Variants in TAFA5 observed in about 807,000 individuals in gnomAD.
The protein encoded by TAFA5 is chemokine-like protein TAFA-5.
Under a neutral mutation model 15.3 loss-of-function variants are expected in TAFA5, and 6 were observed. That is an observed-to-expected ratio of 0.39 (90% confidence interval 0.21 to 0.77). TAFA5 has a LOEUF of 0.77. Ranked by LOEUF, TAFA5 falls within the 30% of genes least tolerant of loss-of-function variation. TAFA5 has a pLI of 0.41. For missense variants in TAFA5, 161 were observed against 193.1 expected (o/e 0.83, Z 0.98); for synonymous variants, 103 against 80.7 (o/e 1.28, Z -1.48).
intron 1 of TAFA5, among the ~76,000 whole-genome samples, chr22:48,623,066 C>G (rs549542997): frequency 6.6e-6 from 1 of 152,252 alleles, no homozygotes; most frequent in Non-Finnish European, 1.5e-5. Flanking sequence ...AGGGCGAGCT[C>G]GGCCCTGCAG....
At chr22:48,680,479 C>A (rs557111474) in intron 2 of TAFA5, among the ~76,000 whole-genome samples, 1 of 86,028 alleles carries the variant, frequency 1.2e-5, no homozygotes, top group Non-Finnish European at 2.9e-5. Context: ...GGCGAGGGGG[C>A]TAAGAGGTGA....
At chr22:48,510,907 T>C (rs1921186536) in intron 1 of TAFA5, among the ~76,000 whole-genome samples, 1 of 152,216 alleles carries the variant, frequency 6.6e-6, no homozygotes, top group African/African-American at 2.4e-5. Flanking sequence ...CTTAAAGAAA[T>C]GGGTTTTAGT....
At chr22:48,699,602 CTTTG>C (rs751119233) in intron 2 of TAFA5, among the ~76,000 whole-genome samples, 1 of 152,096 alleles carries the variant, frequency 6.6e-6, no homozygotes, top group Non-Finnish European at 1.5e-5. Context: ...AATCACGTGG[CTTTG>C]TTTGTTGTCA....
chr22:48,620,321 C>T (rs1467820929), intron 1 of TAFA5, among the ~76,000 whole-genome samples: 2 of 152,118 alleles, frequency 1.3e-5, no homozygotes, highest in Non-Finnish European at 2.9e-5. Flanking sequence ...CAAACCTCTC[C>T]TCTTATTTCA....
At chr22:48,518,616 G>T (rs578085516) in intron 1 of TAFA5, among the ~76,000 whole-genome samples, 1 of 152,330 alleles carries the variant, frequency 6.6e-6, no homozygotes, top group Admixed American at 6.5e-5. Flanking sequence ...CCTCCAGCCT[G>T]GGAGGCGGAC....
chr22:48,638,133 G>T (rs575583193), intron 1 of TAFA5, among the ~76,000 whole-genome samples: 1 of 152,064 alleles, frequency 6.6e-6, no homozygotes, highest in South Asian at 2.1e-4. Flanking sequence ...CTGTCACCAC[G>T]TCCTGGCAGT....
rs932751986 is a variant in TAFA5, at chr22:48,566,407, A to G, written c.112+76703A>G. On this transcript the variant is annotated intron_variant, in intron 1 of 3. Transcript: ENST00000402357. This position sits in a 1 kb window ranked among gnomAD's most constrained non-coding sequence, Gnocchi z 4.5. Reference sequence around the variant, plus strand: ...GGATGGTGAATGATGGGTAGATGGTAGGTGGATGGATGATGAATGGTAGAT... The same window carrying G: ...GGATGGTGAATGATGGGTAGATGGTGGGTGGATGGATGATGAATGGTAGAT... Among the ~76,000 whole-genome samples the G allele has an allele frequency of 6.6e-6, 1 of 151,282 alleles. No homozygotes were observed. The highest frequency in any genetic ancestry group is 1.5e-5 in the Non-Finnish European group (1 of 67,786).
intron 1 of TAFA5, among the ~76,000 whole-genome samples, chr22:48,567,933 C>A (rs1923462309): frequency 6.6e-6 from 1 of 152,200 alleles, no homozygotes; most frequent in South Asian, 2.1e-4. Flanking sequence ...GAGTGGCCTG[C>A]AGTCCTAGAG....
intron 3 of TAFA5, among the ~76,000 whole-genome samples, chr22:48,719,762 C>T (rs1400035477): frequency 2.0e-5 from 3 of 152,206 alleles, no homozygotes; most frequent in Admixed American, 6.5e-5. Flanking sequence ...ATTTTGCGTT[C>T]TTTTGAATCA....
At chr22:48,565,783 G>A (rs1009997064) in intron 1 of TAFA5, among the ~76,000 whole-genome samples, 1 of 152,252 alleles carries the variant, frequency 6.6e-6, no homozygotes, top group African/African-American at 2.4e-5. Flanking sequence ...GCAGTGGCTT[G>A]AGATGGCAGG....
intron 1 of TAFA5, among the ~76,000 whole-genome samples, chr22:48,562,595 T>C (rs1385203690): frequency 6.6e-6 from 1 of 152,104 alleles, no homozygotes; most frequent in Non-Finnish European, 1.5e-5. Context: ...AGGGGGGGAA[T>C]TTAGCTCCTG....
At chr22:48,595,996 C>G (rs1924752247) in intron 1 of TAFA5, among the ~76,000 whole-genome samples, 5 of 152,354 alleles carry the variant, frequency 3.3e-5, no homozygotes, top group Admixed American at 2.0e-4. Context: ...AGTGGTATTA[C>G]TGTTTAAATC....
rs909415302 is a variant in TAFA5 at position 48,729,655 on chromosome 22, T to A, written c.391-20184T>A. On this transcript the variant is annotated intron_variant, in intron 3 of 3. Coordinates refer to ENST00000402357, the MANE Select transcript of TAFA5 (RefSeq NM_001082967.3). Reference sequence around the variant, plus strand: ...TTTGTTTATGTAATTTTTAATTATATAAAATATAAATAAATATAAATTTAT... The same window carrying A: ...TTTGTTTATGTAATTTTTAATTATAAAAAATATAAATAAATATAAATTTAT... 2.0e-5 allele frequency among the ~76,000 whole-genome samples: 3 copies of A among 146,958 alleles called. No individual in the cohort carries two copies. In the Admixed American group the frequency reaches 2.0e-4, roughly 10 times the overall value.
intron 1 of TAFA5, among the ~76,000 whole-genome samples, chr22:48,638,024 G>A (rs1188737027): frequency 6.6e-6 from 1 of 152,034 alleles, no homozygotes; most frequent in Admixed American, 6.6e-5. Flanking sequence ...ATAGTGCAAG[G>A]GGCGGCCAGG....
chr22:48,603,379 A>G (rs1925045802), intron 1 of TAFA5, among the ~76,000 whole-genome samples: 1 of 152,246 alleles, frequency 6.6e-6, no homozygotes, highest in Non-Finnish European at 1.5e-5. Context: ...CCACGGCACC[A>G]CCACGCTGGG....
At chr22:48,580,108 G>A (rs535697673) in intron 1 of TAFA5, among the ~76,000 whole-genome samples, 2 of 152,332 alleles carry the variant, frequency 1.3e-5, no homozygotes, top group South Asian at 2.1e-4. Context: ...TTTCAGAACC[G>A]CTGTGGCGTG....
At chr22:48,536,063 C>T (rs1042195354) in intron 1 of TAFA5, among the ~76,000 whole-genome samples, 3 of 152,258 alleles carry the variant, frequency 2.0e-5, no homozygotes, top group Admixed American at 1.3e-4. Context: ...AGAGCTGCAC[C>T]GCCGCTTGGT....
At chr22:48,546,690 C>T (rs1922685456) in intron 1 of TAFA5, 1 of 441,514 alleles carries the variant, frequency 2.3e-6, no homozygotes, top group South Asian at 1.6e-5. Context: ...ATGGGGGGCT[C>T]ACCTCCATTC....
intron 2 of TAFA5, among the ~76,000 whole-genome samples, chr22:48,673,440 C>T (rs550769989): frequency 1.3e-5 from 2 of 152,328 alleles, no homozygotes; most frequent in South Asian, 4.1e-4. Context: ...AGGATTAGGC[C>T]TGTAAGCCTG....
Sources: gnomAD v4.1 joint callset for allele counts (sites outside exome capture counted in the v4.1 genomes callset) on GRCh38, gnomAD v4.1.1 for gene constraint, Gnocchi (gnomAD v3.1) non-coding constraint, MANE v1.5 for transcripts, NCBI Gene and HGNC (gene_info 2026-07-23, HGNC 2026-07-21) for gene names.